The following LRRC69 variants were observed in gnomAD, a reference collection of about 807,000 sequenced individuals.
LRRC69 encodes the protein leucine-rich repeat-containing protein 69.
Under a neutral mutation model 37.8 loss-of-function variants are expected in LRRC69, and 42 were observed. That is an observed-to-expected ratio of 1.11 (90% CI 0.87 to 1.44). LRRC69 has a LOEUF of 1.44. LRRC69 is among the 40% of genes most tolerant of loss of function. LRRC69 has a pLI of 0.00. For missense variants in LRRC69, 357 were observed against 401.9 expected (o/e 0.89, Z 0.96); for synonymous variants, 141 against 143.1 (o/e 0.99, Z 0.11).
At chr8:91,155,159 G>C (rs1808811292) in intron 5 of LRRC69, among the ~76,000 whole-genome samples, 1 of 150,992 alleles carries the variant, frequency 6.6e-6, no homozygotes, top group African/African-American at 2.4e-5. Flanking sequence ...TAGGAATACA[G>C]CTAACAAAGG....
chr8:91,198,171 T>C (rs1418211069), intron 6 of LRRC69, among the ~76,000 whole-genome samples: 4 of 152,166 alleles, frequency 2.6e-5, no homozygotes, highest in African/African-American at 9.7e-5. Flanking sequence ...CTAATAACTA[T>C]ATTATAGAAA....
At chr8:91,197,709 C>G (rs572606987) in intron 6 of LRRC69, among the ~76,000 whole-genome samples, 1 of 152,058 alleles carries the variant, frequency 6.6e-6, no homozygotes, top group African/African-American at 2.4e-5. Flanking sequence ...GGCTCGCGCA[C>G]GGTGCGCGCA....
intron 5 of LRRC69, among the ~76,000 whole-genome samples, chr8:91,156,088 T>A (rs1320827008): frequency 2.0e-5 from 3 of 150,888 alleles, no homozygotes; most frequent in Admixed American, 1.3e-4. Flanking sequence ...CTAGATCATA[T>A]GGTAGTTCTA....
At chr8:91,217,554 T>A (rs917717932) in intron 7 of LRRC69, among the ~76,000 whole-genome samples, 2 of 152,134 alleles carry the variant, frequency 1.3e-5, no homozygotes, top group African/African-American at 4.8e-5. Context: ...CCCAGACTAA[T>A]CACCATTGTC....
At chr8:91,198,289 C>G (rs961730297) in intron 6 of LRRC69, among the ~76,000 whole-genome samples, 1 of 152,112 alleles carries the variant, frequency 6.6e-6, no homozygotes, top group Non-Finnish European at 1.5e-5. Flanking sequence ...AAAAAAATCC[C>G]AACTTTACAG....
At chr8:91,179,336 G>C (rs1482027234) in intron 5 of LRRC69, among the ~76,000 whole-genome samples, 1 of 152,164 alleles carries the variant, frequency 6.6e-6, no homozygotes, top group Non-Finnish European at 1.5e-5. Context: ...GCAAGAGAGA[G>C]AGAGCAAGAG....
At chr8:91,157,464 G>A (rs1808856493) in intron 5 of LRRC69, 14 of 1,603,554 alleles carry the variant, frequency 8.7e-6, no homozygotes, top group Admixed American at 1.7e-5. Flanking sequence ...AAATATGCAA[G>A]AAAGGAAGTT....
intron 7 of LRRC69, 27 bp from the exon 8 acceptor site, chr8:91,218,863 A>ATTTTATT: frequency 7.0e-7 from 1 of 1,435,000 alleles, no homozygotes; most frequent in Non-Finnish European, 9.5e-7. Flanking sequence ...CACTGCCTAA[A>ATTTTATT]TTTTATTTTT....
At chr8:91,124,850 T>C (rs916769391) in intron 2 of LRRC69, 9 of 371,842 alleles carry the variant, frequency 2.4e-5, no homozygotes, top group African/African-American at 1.9e-4. Flanking sequence ...GTTAATGAAT[T>C]TTCCTCTTTG....
downstream of LRRC69, chr8:91,219,227 A>G (rs552472053): frequency 5.7e-5 from 19 of 336,240 alleles, no homozygotes; most frequent in Non-Finnish European, 9.6e-5. Flanking sequence ...ACAAAAAAAA[A>G]TTGAAAAATA....
At chr8:91,144,677 T>C (rs970932100) in intron 5 of LRRC69, among the ~76,000 whole-genome samples, 5 of 151,926 alleles carry the variant, frequency 3.3e-5, no homozygotes, top group African/African-American at 1.2e-4. Context: ...TTATACCCAA[T>C]GATGAATGAT....
chr8:91,176,725 A>G (rs1292974476), intron 5 of LRRC69, among the ~76,000 whole-genome samples: 2 of 152,186 alleles, frequency 1.3e-5, no homozygotes, highest in African/African-American at 4.8e-5. Context: ...TCAGTCAGAC[A>G]GAGTGAATTC....
intron 7 of LRRC69, among the ~76,000 whole-genome samples, chr8:91,216,225 C>T (rs1407064969): frequency 6.6e-6 from 1 of 152,104 alleles, no homozygotes; most frequent in East Asian, 1.9e-4. Flanking sequence ...ATTAACTAAA[C>T]AATGTTTCCC....
Position 91,197,333 on chromosome 8 carries a change from A to C in LRRC69, c.754-3280A>C, listed in dbSNP as rs1809623540. 2.6e-5 allele frequency among the ~76,000 whole-genome samples: 4 copies of C among 152,286 alleles called. No homozygotes were observed. The South Asian group carries it at 8.3e-4, about 32-fold the overall frequency. The stretch of plus-strand genomic sequence containing the variant: ...CTGCCCCCAGAGGTGGAGCCTACAG[A>C]GGCAGGCAGGCCTCCTGGAGCTGTG... On this transcript the variant is annotated intron_variant, in intron 6 of 7. Transcript: ENST00000448384.
At chr8:91,147,255 A>G (rs886683059) in intron 5 of LRRC69, among the ~76,000 whole-genome samples, 9 of 99,558 alleles carry the variant, frequency 9.0e-5, no homozygotes, top group Admixed American at 8.9e-5. Context: ...CATATAATAT[A>G]TATTATATAT....
chr8:91,157,395 G>A lies in LRRC69; in HGVS notation c.651+21656G>A, dbSNP rs1808855420. 1.0e-5 allele frequency: 16 copies of A among 1,607,650 alleles called. No individual in the cohort carries two copies. The South Asian group carries it at 1.5e-4, about 15-fold the overall frequency. ...CAGATCCTGTATGTCTAGCTAAGAT[G>A]TATTATTCTGCTGTGGATCCCACTA... On this transcript the variant is annotated intron_variant, in intron 5 of 7. Coordinates refer to ENST00000448384, the Ensembl canonical transcript of LRRC69.
At chr8:91,195,649 A>T (rs1809584160) in intron 6 of LRRC69, among the ~76,000 whole-genome samples, 1 of 152,034 alleles carries the variant, frequency 6.6e-6, no homozygotes, top group African/African-American at 2.4e-5. Context: ...CTGTTTTATC[A>T]GAGACTAGGA....
intron 3 of LRRC69, among the ~76,000 whole-genome samples, chr8:91,131,280 T>C (rs7843665): frequency 0.67 from 99,554 of 147,626 alleles, 34,116 homozygotes; most frequent in Middle Eastern, 0.74. Flanking sequence ...CACTATGTTT[T>C]CCAGGCTGGT....
intron 5 of LRRC69, among the ~76,000 whole-genome samples, chr8:91,183,704 T>A (rs1245473211): frequency 2.6e-5 from 4 of 152,150 alleles, no homozygotes; most frequent in Non-Finnish European, 5.9e-5. Flanking sequence ...TTATGAGTTA[T>A]CAAGGAAAAT....
Sources: gnomAD v4.1 joint callset for allele counts (sites outside exome capture counted in the v4.1 genomes callset) on GRCh38, gnomAD v4.1.1 for gene constraint, MANE v1.5 for transcripts, NCBI Gene and HGNC (gene_info 2026-07-23, HGNC 2026-07-21) for gene names.